Variants in ZNF521 observed in about 807,000 individuals in gnomAD.
ZNF521 encodes zinc finger protein 521, also known as LYST-interacting protein 3.
ZNF521 carries 14 observed loss-of-function variants against 105.5 expected under a neutral mutation model. That is an observed-to-expected ratio of 0.13 (90% CI 0.09 to 0.21). ZNF521 has a LOEUF of 0.21. ZNF521 is among the 10% of genes least tolerant of loss of function. The pLI is 1.00. For missense variants in ZNF521, 1,233 were observed against 1,629.7 expected (o/e 0.76, Z 4.19); for synonymous variants, 635 against 606.0 (o/e 1.05, Z -0.70).
intron 3 of ZNF521, among the ~76,000 whole-genome samples, chr18:25,284,318 C>T (rs1910560877): frequency 6.6e-6 from 1 of 152,188 alleles, no homozygotes; most frequent in Admixed American, 6.5e-5. Context: ...CACACACACA[C>T]ATACACACAC....
chr18:25,171,239 T>G (rs2035444034), intron 5 of ZNF521, among the ~76,000 whole-genome samples: 1 of 152,150 alleles, frequency 6.6e-6, no homozygotes, highest in African/African-American at 2.4e-5. Context: ...AAACCATTAC[T>G]GCATCGAAGA....
At chr18:25,122,477 A>G (rs1187519624) in intron 5 of ZNF521, among the ~76,000 whole-genome samples, 1 of 152,188 alleles carries the variant, frequency 6.6e-6, no homozygotes, top group Non-Finnish European at 1.5e-5. Flanking sequence ...ATTGTACCTA[A>G]AATTATATTC....
At chr18:25,118,617 A>G (rs1287617596) in intron 5 of ZNF521, among the ~76,000 whole-genome samples, 2 of 151,966 alleles carry the variant, frequency 1.3e-5, no homozygotes, top group African/African-American at 4.8e-5. Context: ...CCCTACAACA[A>G]CCACTAAAAT....
chr18:25,203,469 T>C (rs1023856041), intron 4 of ZNF521, among the ~76,000 whole-genome samples: 2 of 152,054 alleles, frequency 1.3e-5, no homozygotes, highest in African/African-American at 4.8e-5. Flanking sequence ...ATTAAAAAAT[T>C]AGTCAGGTGT....
At chr18:25,277,177 C>T (rs1032288730) in intron 3 of ZNF521, among the ~76,000 whole-genome samples, 4 of 143,456 alleles carry the variant, frequency 2.8e-5, no homozygotes, top group Non-Finnish European at 4.5e-5. Flanking sequence ...AGCAAGACTC[C>T]GTCTCAAAAA....
chr18:25,344,105 T>C (rs1272288690), intron 2 of ZNF521, among the ~76,000 whole-genome samples: 1 of 151,948 alleles, frequency 6.6e-6, no homozygotes, highest in Non-Finnish European at 1.5e-5. Context: ...TGAATTTCTT[T>C]CATCTCTAAT....
intron 5 of ZNF521, among the ~76,000 whole-genome samples, chr18:25,187,611 A>C (rs753747461): frequency 6.6e-6 from 1 of 152,230 alleles, no homozygotes; most frequent in African/African-American, 2.4e-5. Flanking sequence ...ATTTTAATGC[A>C]TGACTTTATT....
In ZNF521 at chr18:25,103,479, C is replaced by T. The variant is rs1259175211; in HGVS notation, c.3659-11398G>A. 4.6e-5 allele frequency among the ~76,000 whole-genome samples: 7 copies of T among 152,236 alleles called. No individual in the cohort carries two copies. The East Asian group carries it at 7.7e-4, about 17-fold the overall frequency. ...TTAAATTGAGTGTTTGAGAAGAAAC[C>T]GAGACTGCATGCATAACCCAAAGTG... On this transcript the variant is annotated intron_variant, in intron 5 of 7. Coordinates refer to ENST00000361524, the MANE Select transcript of ZNF521 (RefSeq NM_015461.3).
chr18:25,342,598 T>G (rs112556836), intron 2 of ZNF521, among the ~76,000 whole-genome samples: 1,872 of 91,286 alleles, frequency 0.021, 82 homozygotes, highest in Admixed American at 0.027. Context: ...CCGGCTAATT[T>G]TTTGTATTTT....
At chr18:25,088,585 T>C (rs1451999670) in intron 7 of ZNF521, among the ~76,000 whole-genome samples, 1 of 152,162 alleles carries the variant, frequency 6.6e-6, no homozygotes, top group Admixed American at 6.6e-5. Context: ...ACAAAAAGCA[T>C]GTTACTCTCA....
intron 2 of ZNF521, among the ~76,000 whole-genome samples, chr18:25,338,360 A>G (rs1914014604): frequency 1.3e-5 from 2 of 151,810 alleles, no homozygotes; most frequent in African/African-American, 2.4e-5. Flanking sequence ...GAAAGTGGAA[A>G]AAAGTGCTAG....
At chr18:25,081,205 G>A (rs939317929) in intron 7 of ZNF521, among the ~76,000 whole-genome samples, 8 of 152,146 alleles carry the variant, frequency 5.3e-5, no homozygotes, top group Non-Finnish European at 1.0e-4. Flanking sequence ...CCATAAAGCC[G>A]CACTGATGGC....
chr18:25,222,891 T>A (rs1905827895), intron 4 of ZNF521, among the ~76,000 whole-genome samples: 1 of 152,228 alleles, frequency 6.6e-6, no homozygotes, highest in African/African-American at 2.4e-5. Context: ...GGAGATGTCA[T>A]GATACCTGCA....
intron 5 of ZNF521, among the ~76,000 whole-genome samples, chr18:25,136,327 C>A (rs2034733244): frequency 6.6e-6 from 1 of 152,068 alleles, no homozygotes; most frequent in African/African-American, 2.4e-5. Flanking sequence ...TTTCAGATCA[C>A]CTAGTTCAAC....
intron 2 of ZNF521, among the ~76,000 whole-genome samples, chr18:25,338,001 G>A (rs182175145): frequency 1.4e-4 from 21 of 152,194 alleles, no homozygotes; most frequent in South Asian, 2.1e-4. Context: ...GAGACCTCCC[G>A]CTTTTGTTTG....
intron 3 of ZNF521, among the ~76,000 whole-genome samples, chr18:25,291,801 CGA>C (rs1911040503): frequency 6.6e-6 from 1 of 151,998 alleles, no homozygotes. Context: ...TGAGGAAACT[CGA>C]GAAAATAGAA....
intron 4 of ZNF521, among the ~76,000 whole-genome samples, chr18:25,213,663 A>C (rs948036962): frequency 2.0e-5 from 3 of 152,094 alleles, no homozygotes; most frequent in African/African-American, 7.2e-5. Flanking sequence ...CAAATGAACA[A>C]AGGTATTTTC....
intron 5 of ZNF521, among the ~76,000 whole-genome samples, chr18:25,187,851 T>A (rs900739704): frequency 1.3e-5 from 2 of 152,166 alleles, no homozygotes; most frequent in Admixed American, 6.5e-5. Flanking sequence ...AACAGGGGGA[T>A]ATGTGTCAGG....
At chr18:25,118,558 A>C (rs1443995427) in intron 5 of ZNF521, among the ~76,000 whole-genome samples, 2 of 152,048 alleles carry the variant, frequency 1.3e-5, no homozygotes, top group Non-Finnish European at 2.9e-5. Context: ...TAAAGTGGTA[A>C]GATATTAACT....
Sources: allele counts gnomAD v4.1 joint callset (sites outside exome capture counted in the v4.1 genomes callset), GRCh38; gene constraint gnomAD v4.1.1; transcripts MANE v1.5; gene names NCBI Gene and HGNC (gene_info 2026-07-23, HGNC 2026-07-21).